Variants in OXCT1 observed in about 807,000 individuals in gnomAD.
OXCT1 encodes 3-oxoacid CoA-transferase 1, also known as succinyl-CoA:3-ketoacid coenzyme A transferase 1, mitochondrial.
OXCT1 carries 27 observed loss-of-function variants against 69.6 expected under a neutral mutation model. The ratio of observed to expected loss-of-function variants is 0.39; its 90% CI spans 0.29 to 0.54. The LOEUF is 0.54. Among genes scored for constraint, OXCT1 ranks in the 20% least tolerant of loss-of-function variants. The pLI is 0.72. For missense variants in OXCT1, 437 were observed against 650.2 expected, an observed-to-expected ratio of 0.67 and a Z score of 3.57; for synonymous variants, 202 against 217.8, an observed-to-expected ratio of 0.93 and a Z score of 0.64.
At chr5:41,818,888 C>T (rs146609590) in intron 7 of OXCT1, among the ~76,000 whole-genome samples, 2 of 150,636 alleles carry the variant, frequency 1.3e-5, no homozygotes, top group East Asian at 3.9e-4. Context: ...TTAGCTTTGT[C>T]CTTGAACCAG....
At chr5:41,732,865 A>C (rs1742703654) in intron 16 of OXCT1, among the ~76,000 whole-genome samples, 1 of 152,220 alleles carries the variant, frequency 6.6e-6, no homozygotes, top group African/African-American at 2.4e-5. Context: ...TCATTTATAA[A>C]TGTCTGCATT....
chr5:41,750,353 C>CA (rs753009746), intron 14 of OXCT1, among the ~76,000 whole-genome samples: 5 of 151,948 alleles, frequency 3.3e-5, no homozygotes, highest in African/African-American at 4.8e-5. Context: ...CCAGCCCCTC[C>CA]TCCCACCTGC....
chr5:41,731,797 A>T (rs1742646828), intron 16 of OXCT1, 27 bp from the exon 17 acceptor site: 1 of 1,597,754 alleles, frequency 6.3e-7, no homozygotes, highest in South Asian at 1.1e-5. Flanking sequence ...AAAAAATCAA[A>T]TTATGAAAAA....
At chr5:41,856,760 C>T (rs902713922) in intron 3 of OXCT1, among the ~76,000 whole-genome samples, 6 of 152,146 alleles carry the variant, frequency 3.9e-5, no homozygotes, top group African/African-American at 1.4e-4. Context: ...AAACTAATGC[C>T]TAAGTAACAT....
chr5:41,775,505 G>A (rs898517130), intron 13 of OXCT1, among the ~76,000 whole-genome samples: 1 of 152,184 alleles, frequency 6.6e-6, no homozygotes, highest in Non-Finnish European at 1.5e-5. Flanking sequence ...CTCTCCCAGA[G>A]CCCTGATGTG....
intron 7 of OXCT1, among the ~76,000 whole-genome samples, chr5:41,814,660 G>A (rs1289526881): frequency 6.8e-6 from 1 of 146,072 alleles, no homozygotes; most frequent in Non-Finnish European, 1.5e-5. Flanking sequence ...TCACTCATAG[G>A]TGGGAATTGA....
intron 7 of OXCT1, among the ~76,000 whole-genome samples, chr5:41,818,861 C>CT (rs1167916827): frequency 6.6e-6 from 1 of 151,188 alleles, no homozygotes; most frequent in East Asian, 1.9e-4. Flanking sequence ...TAAGCCATGA[C>CT]TTTAAGATGC....
rs1004328606 is a variant in OXCT1, at chr5:41,845,940, T to C, written c.565-3159A>G. Among the ~76,000 whole-genome samples the C allele has an allele frequency of 9.9e-5, 15 of 152,196 alleles. 1 individual carries two copies. The highest frequency in any genetic ancestry group is 1.8e-4 in the Non-Finnish European group (12 of 67,992). Reference sequence around the variant, plus strand: ...ATGTAAAATTTATCATATAAAAATGTACAAAATATGCTTATGTAGCATTTT... The same window carrying C: ...ATGTAAAATTTATCATATAAAAATGCACAAAATATGCTTATGTAGCATTTT... On this transcript the variant is annotated intron_variant, in intron 5 of 16. Coordinates refer to ENST00000196371, the MANE Select transcript of OXCT1 (RefSeq NM_000436.4).
intron 13 of OXCT1, among the ~76,000 whole-genome samples, chr5:41,777,374 C>T (rs1387122619): frequency 1.3e-5 from 2 of 152,100 alleles, no homozygotes; most frequent in Non-Finnish European, 2.9e-5. Context: ...CGAGATCGTG[C>T]CACTGCACTC....
At chr5:41,786,149 C>T (rs535428417) in intron 13 of OXCT1, among the ~76,000 whole-genome samples, 2 of 152,282 alleles carry the variant, frequency 1.3e-5, no homozygotes, top group East Asian at 3.9e-4. Flanking sequence ...AAGTCAGAAG[C>T]TGCTGGGGAA....
chr5:41,783,495 T>C (rs1579727964), intron 13 of OXCT1, among the ~76,000 whole-genome samples: 2 of 152,308 alleles, frequency 1.3e-5, no homozygotes, highest in Admixed American at 6.5e-5. Context: ...TTAATGTTTC[T>C]TCTTCTCCTT....
Position 41,775,196 on chromosome 5 carries a change from A to C in OXCT1, c.1249-12996T>G, listed in dbSNP as rs571509710. On this transcript the variant is annotated intron_variant, in intron 13 of 16. Coordinates refer to ENST00000196371, the MANE Select transcript of OXCT1 (RefSeq NM_000436.4). ...CTGACCCTAACTACCTGGAATTAGCACAGGACCCACAAGTTAAGGATTCAG... is the reference window on the plus strand; with the variant it reads ...CTGACCCTAACTACCTGGAATTAGCCCAGGACCCACAAGTTAAGGATTCAG... Among the ~76,000 whole-genome samples the C allele has an allele frequency of 1.2e-4, 18 of 152,234 alleles. No homozygotes were observed. In the East Asian group the frequency reaches 3.5e-3, roughly 29 times the overall value.
At chr5:41,785,651 T>G (rs1221223344) in intron 13 of OXCT1, among the ~76,000 whole-genome samples, 2 of 152,138 alleles carry the variant, frequency 1.3e-5, no homozygotes, top group Non-Finnish European at 2.9e-5. Flanking sequence ...TTTTAACTGA[T>G]AGAAGAGCTA....
chr5:41,830,056 C>T (rs1748015217), intron 7 of OXCT1, among the ~76,000 whole-genome samples: 4 of 152,110 alleles, frequency 2.6e-5, no homozygotes, highest in Non-Finnish European at 5.9e-5. Flanking sequence ...ACAGAATTTA[C>T]AGATCTCTTT....
intron 13 of OXCT1, among the ~76,000 whole-genome samples, chr5:41,777,145 C>T (rs1049485721): frequency 2.0e-5 from 3 of 152,090 alleles, no homozygotes; most frequent in African/African-American, 7.2e-5. Flanking sequence ...GGGCCGGGTG[C>T]GGTGGCTTAT....
intron 1 of OXCT1, among the ~76,000 whole-genome samples, chr5:41,867,066 T>C (rs1450123758): frequency 6.6e-6 from 1 of 152,224 alleles, no homozygotes; most frequent in Non-Finnish European, 1.5e-5. Flanking sequence ...CTGCAGAGTT[T>C]CTTTTTTCTT....
chr5:41,809,615 C>CCTCT (rs1475977794), intron 7 of OXCT1, among the ~76,000 whole-genome samples: 1 of 151,900 alleles, frequency 6.6e-6, no homozygotes, highest in African/African-American at 2.4e-5. Flanking sequence ...CCTGCCTTAC[C>CCTCT]CTCTAGCAGG....
chr5:41,826,563 C>T (rs1444057556), intron 7 of OXCT1, among the ~76,000 whole-genome samples: 4 of 151,722 alleles, frequency 2.6e-5, no homozygotes, highest in Admixed American at 6.6e-5. Flanking sequence ...GTAAGGAAGA[C>T]GAGATTCTAA....
intron 7 of OXCT1, among the ~76,000 whole-genome samples, chr5:41,831,372 G>A (rs1362618404): frequency 1.3e-5 from 2 of 152,024 alleles, no homozygotes; most frequent in Non-Finnish European, 2.9e-5. Context: ...TCATCTCACC[G>A]AGGCCTTTCA....
Sources: gnomAD v4.1 joint callset for allele counts (sites outside exome capture counted in the v4.1 genomes callset) on GRCh38, gnomAD v4.1.1 for gene constraint, MANE v1.5 for transcripts, NCBI Gene and HGNC (gene_info 2026-07-23, HGNC 2026-07-21) for gene names.